The following DIAPH2 variants were observed in gnomAD, a reference collection of about 807,000 sequenced individuals.
DIAPH2 encodes the protein diaphanous related formin 2, also known as protein diaphanous homolog 2.
A neutral mutation model predicts 92.7 loss-of-function variants in DIAPH2; 35 were observed. The observed-to-expected ratio is 0.38, with a 90% CI of 0.29 to 0.50. The LOEUF is 0.50. DIAPH2 is among the 20% of genes least tolerant of loss of function. DIAPH2 has a pLI of 0.94. For missense variants in DIAPH2, 701 were observed against 819.5 expected (o/e 0.86, Z 1.77); for synonymous variants, 301 against 280.4 (o/e 1.07, Z -0.73).
At chrX:96,877,365 C>T (rs766021714) in intron 4 of DIAPH2, among the ~76,000 whole-genome samples, 1 of 111,720 alleles carries the variant, frequency 9.0e-6, no homozygotes, top group African/African-American at 3.2e-5. Flanking sequence ...ATTAAAATAG[C>T]CAAAGAAATG....
intron 23 of DIAPH2, among the ~76,000 whole-genome samples, chrX:97,297,123 A>G (rs1298548743): frequency 1.3e-5 from 1 of 77,751 alleles, no homozygotes; most frequent in Non-Finnish European, 2.3e-5. Context: ...AACAAAACTA[A>G]CTGGCTCTTA....
intron 4 of DIAPH2, among the ~76,000 whole-genome samples, chrX:96,843,508 C>T (rs1309513009): frequency 9.0e-6 from 1 of 110,879 alleles, no homozygotes; most frequent in Non-Finnish European, 1.9e-5. Flanking sequence ...GTAGAGTGGT[C>T]GGGAGTAGGC....
intron 22 of DIAPH2, among the ~76,000 whole-genome samples, chrX:97,237,551 T>C (rs371743631): frequency 2.8e-5 from 3 of 108,994 alleles, no homozygotes; most frequent in East Asian, 5.6e-4. Flanking sequence ...ACCAAATGAG[T>C]TTTTAAAAAG....
intron 9 of DIAPH2, among the ~76,000 whole-genome samples, chrX:96,925,250 A>T (rs1001778696): frequency 9.1e-6 from 1 of 110,410 alleles, no homozygotes; most frequent in Non-Finnish European, 1.9e-5. Flanking sequence ...TCTTCCTTTT[A>T]AAAAAAATCC....
At chrX:96,751,678 A>G (rs374419754) in intron 3 of DIAPH2, among the ~76,000 whole-genome samples, 10 of 52,585 alleles carry the variant, frequency 1.9e-4, no homozygotes, top group African/African-American at 2.7e-4. Flanking sequence ...TTTTGAGACG[A>G]AGTCTCGCTC....
At chrX:97,186,896 TC>T (rs2067609153) in intron 22 of DIAPH2, among the ~76,000 whole-genome samples, 1 of 112,031 alleles carries the variant, frequency 8.9e-6, no homozygotes, top group Admixed American at 9.5e-5. Flanking sequence ...ATACACATCA[TC>T]CAAGATAATC....
At chrX:97,321,695 G>T (rs1008541413) in intron 23 of DIAPH2, among the ~76,000 whole-genome samples, 1 of 108,615 alleles carries the variant, frequency 9.2e-6, no homozygotes, top group Non-Finnish European at 1.9e-5. Context: ...GACTACAGGC[G>T]CCCACCACCA....
At chrX:97,433,070 G>T (rs1391745437) in intron 26 of DIAPH2, among the ~76,000 whole-genome samples, 2 of 111,551 alleles carry the variant, frequency 1.8e-5, no homozygotes, top group Non-Finnish European at 3.8e-5. Context: ...CCCTACCCAA[G>T]ACCTACCATA....
At chrX:97,174,590 C>A (rs773089673) in intron 22 of DIAPH2, among the ~76,000 whole-genome samples, 133 of 111,510 alleles carry the variant, frequency 1.2e-3, no homozygotes, top group African/African-American at 4.3e-3. Context: ...CAATTTGATT[C>A]CTTTATGCCT....
At chrX:97,227,234 A>G (rs1486046045) in intron 22 of DIAPH2, among the ~76,000 whole-genome samples, 1 of 111,404 alleles carries the variant, frequency 9.0e-6, no homozygotes. Flanking sequence ...AGATCACGCC[A>G]CTGCACTCCA....
chrX:97,102,368 G>GA (rs2066911731), intron 20 of DIAPH2, among the ~76,000 whole-genome samples: 1 of 111,184 alleles, frequency 9.0e-6, no homozygotes, highest in African/African-American at 3.3e-5. Flanking sequence ...ACTTGCCAGA[G>GA]AAAAAAGAAA....
chrX:97,207,551 G>C (rs1359497986), intron 22 of DIAPH2, among the ~76,000 whole-genome samples: 1 of 111,247 alleles, frequency 9.0e-6, no homozygotes, highest in East Asian at 2.8e-4. Flanking sequence ...TCCAATTTTA[G>C]AGATGTAAAT....
At chrX:97,273,300 A>T (rs952008068) in intron 23 of DIAPH2, among the ~76,000 whole-genome samples, 1 of 112,281 alleles carries the variant, frequency 8.9e-6, no homozygotes, top group African/African-American at 3.2e-5. Context: ...CATACAAGAA[A>T]TATGAATAAA....
At chrX:97,317,909 A>G (rs187431847) in intron 23 of DIAPH2, among the ~76,000 whole-genome samples, 2 of 112,034 alleles carry the variant, frequency 1.8e-5, no homozygotes, top group East Asian at 5.6e-4. Flanking sequence ...CTATATTATG[A>G]TACAACCAGT....
Position 97,600,833 on chromosome X carries a change from A to AAGT in DIAPH2, c.*1518_*1520dup, listed in dbSNP as rs1165100981. The AAGT allele has an allele frequency of 8.9e-6, 1 of 112,204 alleles. No homozygotes were observed. Among genetic ancestry groups the AAGT allele is most frequent in the African/African-American group, 3.2e-5 (1 of 30,881 alleles). 9.2% of individuals were successfully genotyped at this position (112,204 alleles called of 1,213,427 possible). A position where few individuals can be genotyped will look rare whatever the true frequency, so the allele number is the denominator to read the frequency against. On this transcript the variant is annotated 3_prime_UTR_variant, in exon 27 of 27. Coordinates refer to ENST00000324765, the MANE Select transcript of DIAPH2 (RefSeq NM_006729.5). Reference sequence around the variant, plus strand: ...GCTTGGCAAATCCCCATCTGAGATAAAGTAAACAAGTGACCAGCAGCCCAC... The same window carrying AAGT: ...GCTTGGCAAATCCCCATCTGAGATAAAGTAGTAAACAAGTGACCAGCAGCCCAC...
Position 97,427,350 on chromosome X carries a change from T to G in DIAPH2, c.3146-2300T>G, listed in dbSNP as rs1473133189. Among the ~76,000 whole-genome samples, 5 of 111,741 alleles carry G rather than the reference T, an allele frequency of 4.5e-5. No individual in the cohort carries two copies. In the Admixed American group the frequency reaches 4.8e-4, roughly 11 times the overall value. ...CATAGAATTTTCATCTTTCATCATCTGGGCACTAATTCCTAGTTCATTTCA... is the reference window on the plus strand; with the variant it reads ...CATAGAATTTTCATCTTTCATCATCGGGGCACTAATTCCTAGTTCATTTCA... On this transcript the variant is annotated intron_variant, in intron 25 of 26. Transcript: ENST00000324765.
At chrX:97,242,432 C>T (rs1294606481) in intron 22 of DIAPH2, among the ~76,000 whole-genome samples, 3 of 109,360 alleles carry the variant, frequency 2.7e-5, no homozygotes, top group Non-Finnish European at 5.7e-5. Flanking sequence ...GGCACGATCT[C>T]GGCTCACTGC....
At chrX:96,727,398 G>A (rs1293502997) in intron 1 of DIAPH2, among the ~76,000 whole-genome samples, 2 of 111,910 alleles carry the variant, frequency 1.8e-5, no homozygotes, top group Non-Finnish European at 3.8e-5. Flanking sequence ...ATTCCTTGTG[G>A]TTTTCAAGAC....
At chrX:97,480,247 G>A (rs929385709) in intron 26 of DIAPH2, among the ~76,000 whole-genome samples, 10 of 111,683 alleles carry the variant, frequency 9.0e-5, no homozygotes, top group Non-Finnish European at 1.9e-5. Flanking sequence ...ACGTAACTGT[G>A]GAAGCATAGA....
Sources: gnomAD v4.1 joint callset for allele counts (sites outside exome capture counted in the v4.1 genomes callset) on GRCh38, gnomAD v4.1.1 for gene constraint, MANE v1.5 for transcripts, NCBI Gene and HGNC (gene_info 2026-07-23, HGNC 2026-07-21) for gene names.